AGMO: variants seen among roughly 807,000 people sequenced by gnomAD.
AGMO encodes the protein glyceryl-ether monooxygenase.
AGMO carries 75 observed loss-of-function variants against 60.2 expected under a neutral mutation model. The ratio of observed to expected loss-of-function variants is 1.25; its 90% CI spans 1.03 to 1.51. The LOEUF is 1.51. Ranked by LOEUF, AGMO falls within the 40% of genes most tolerant of loss-of-function variation. The pLI, the probability that AGMO is intolerant of heterozygous loss-of-function variation, is 0.00. For synonymous variants in AGMO, 261 were observed against 177.1 expected (o/e 1.47, Z -3.76); for missense variants, 763 against 525.5 (o/e 1.45, Z -4.42).
chr7:15,457,476 A>G (rs770774705), intron 3 of AGMO, among the ~76,000 whole-genome samples: 29 of 152,184 alleles, frequency 1.9e-4, no homozygotes, highest in Non-Finnish European at 4.0e-4. Context: ...CCCTACTGTG[A>G]ATTCAAAATT....
chr7:15,178,943 C>A, the AGMO span, among the ~76,000 whole-genome samples: 10 of 152,048 alleles, frequency 6.6e-5, no homozygotes, highest in African/African-American at 2.4e-4. Context: ...GAATGTGAGG[C>A]AGAGGAAATC....
chr7:15,285,840 C>T (rs941535279), intron 12 of AGMO, among the ~76,000 whole-genome samples: 1 of 152,094 alleles, frequency 6.6e-6, no homozygotes, highest in African/African-American at 2.4e-5. Context: ...GTCATAACTA[C>T]CAAAACAGCA....
the AGMO span, among the ~76,000 whole-genome samples, chr7:15,166,111 T>C: frequency 5.3e-5 from 8 of 152,222 alleles, no homozygotes; most frequent in East Asian, 1.4e-3. Flanking sequence ...TGCTAAGTAA[T>C]AAACATAATA....
chr7:15,261,769 G>A (rs146229395), intron 12 of AGMO, among the ~76,000 whole-genome samples: 3 of 151,940 alleles, frequency 2.0e-5, no homozygotes, highest in African/African-American at 7.2e-5. Context: ...ACTGGTGAAT[G>A]GAATCCAATG....
intron 4 of AGMO, 93 bp from the exon 5 acceptor site, chr7:15,418,746 G>C (rs1328166963): frequency 5.3e-6 from 4 of 748,322 alleles, no homozygotes; most frequent in Non-Finnish European, 6.5e-6. Flanking sequence ...ATTTCTTTAG[G>C]AAATATATCT....
chr7:15,415,498 G>T (rs1431054260), intron 5 of AGMO, among the ~76,000 whole-genome samples: 2 of 151,862 alleles, frequency 1.3e-5, no homozygotes, highest in Admixed American at 6.6e-5. Context: ...AGCTGAGATG[G>T]TGCCACTGTA....
intron 3 of AGMO, among the ~76,000 whole-genome samples, chr7:15,512,013 A>AC (rs61711487): frequency 8.9e-3 from 134 of 15,050 alleles, no homozygotes; most frequent in Middle Eastern, 0.068. Context: ...GAATACACAC[A>AC]AAAAAAAAAA....
intron 3 of AGMO, among the ~76,000 whole-genome samples, chr7:15,488,435 T>A (rs1782977631): frequency 6.6e-6 from 1 of 152,174 alleles, no homozygotes; most frequent in South Asian, 2.1e-4. Flanking sequence ...TTCTTTATGT[T>A]AATGGTAAAA....
rs192273064 is a variant in AGMO, at chr7:15,319,941, T to C, written c.1263+45573A>G. On this transcript the variant is annotated intron_variant, in intron 12 of 12. Transcript: ENST00000342526. ...AATATAATGTATCCATAAAAAATGA[T>C]GAGTTCATGTCCTTTGTAGGGACAT... Among the ~76,000 whole-genome samples the C allele has an allele frequency of 1.7e-3, 262 of 152,234 alleles. 1 individual carries two copies. Among genetic ancestry groups the C allele is most frequent in the Middle Eastern group, 6.8e-3 (2 of 294 alleles).
chr7:15,357,342 G>T (rs186201579), intron 12 of AGMO, among the ~76,000 whole-genome samples: 4 of 151,940 alleles, frequency 2.6e-5, no homozygotes, highest in Admixed American at 2.6e-4. Context: ...CAGTTGAAAT[G>T]ACTCATTTAG....
Position 15,446,922 on chromosome 7 carries a change from C to A in AGMO, c.410-15814G>T, listed in dbSNP as rs1781712916. 2.0e-5 allele frequency among the ~76,000 whole-genome samples: 3 copies of A among 152,190 alleles called. 1 individual carries two copies. In the South Asian group the frequency reaches 6.2e-4, roughly 32 times the overall value. The stretch of plus-strand genomic sequence containing the variant: ...CATTCTCTTGCTCTGCAGGATATCA[C>A]CTACTTTGTCAGCCAATATCCAGAA... On this transcript the variant is annotated intron_variant, in intron 3 of 12. Transcript: ENST00000342526.
intron 3 of AGMO, among the ~76,000 whole-genome samples, chr7:15,508,294 T>A (rs1385243153): frequency 6.6e-6 from 1 of 152,188 alleles, no homozygotes; most frequent in Non-Finnish European, 1.5e-5. Flanking sequence ...TATTTTGTGA[T>A]CCTTGCATTG....
chr7:15,327,519 T>C (rs1475067882), intron 12 of AGMO, among the ~76,000 whole-genome samples: 1 of 151,976 alleles, frequency 6.6e-6, no homozygotes. Context: ...AGCCACCAAA[T>C]TAGGACCACA....
At chr7:15,552,205 A>G (rs993945378) in intron 2 of AGMO, among the ~76,000 whole-genome samples, 3 of 152,170 alleles carry the variant, frequency 2.0e-5, no homozygotes, top group Non-Finnish European at 4.4e-5. Flanking sequence ...TAGACCTAAA[A>G]CCATAAAAAC....
At chr7:15,415,966 A>C (rs1009514099) in intron 5 of AGMO, among the ~76,000 whole-genome samples, 2 of 151,982 alleles carry the variant, frequency 1.3e-5, no homozygotes, top group Non-Finnish European at 2.9e-5. Flanking sequence ...CAAATGTTTC[A>C]TAACTTTCAA....
At chr7:15,440,618 A>G (rs917141255) in intron 3 of AGMO, among the ~76,000 whole-genome samples, 2 of 152,140 alleles carry the variant, frequency 1.3e-5, no homozygotes, top group Non-Finnish European at 2.9e-5. Flanking sequence ...TCATGGTTTC[A>G]CCTATAGGCA....
At chr7:15,370,245 C>G (rs903822629) in intron 10 of AGMO, among the ~76,000 whole-genome samples, 3 of 152,156 alleles carry the variant, frequency 2.0e-5, no homozygotes, top group African/African-American at 7.2e-5. Flanking sequence ...CTTTTTCATG[C>G]CTGCATAGTA....
chr7:15,278,727 A>C (rs114287325), intron 12 of AGMO, among the ~76,000 whole-genome samples: 4,227 of 151,882 alleles, frequency 0.028, 76 homozygotes, highest in African/African-American at 0.052. Context: ...CAGCCTACTC[A>C]CTCCCTCCCT....
chr7:15,119,765 T>C, the AGMO span, among the ~76,000 whole-genome samples: 3 of 152,116 alleles, frequency 2.0e-5, no homozygotes, highest in Admixed American at 2.0e-4. Context: ...CTAGACACTT[T>C]TTCCCCTAGC....
Sources: gnomAD v4.1 joint callset for allele counts (sites outside exome capture counted in the v4.1 genomes callset) on GRCh38, gnomAD v4.1.1 for gene constraint, MANE v1.5 for transcripts, NCBI Gene and HGNC (gene_info 2026-07-23, HGNC 2026-07-21) for gene names.